PCTP: variants seen among roughly 807,000 people sequenced by gnomAD.
The protein encoded by PCTP is START domain-containing protein 2.
Under a neutral mutation model 31.0 loss-of-function variants are expected in PCTP, and 27 were observed. The ratio of observed to expected loss-of-function variants is 0.87; its 90% CI spans 0.64 to 1.20. The LOEUF (loss-of-function observed/expected upper bound fraction) is 1.20, where lower values mean the gene tolerates loss of function less well. Among genes scored for constraint, PCTP ranks in the 50% most tolerant of loss-of-function variants. The probability of loss-of-function intolerance (pLI) is 0.00; values close to 1 mark genes in which losing one functional copy is unlikely to be tolerated. For synonymous variants in PCTP, 108 were observed against 101.2 expected, an observed-to-expected ratio of 1.07 and a Z score of -0.40; for missense variants, 287 against 268.2, an observed-to-expected ratio of 1.07 and a Z score of -0.49.
At chr17:55,791,208 G>GA (rs2145005348) in intron 3 of PCTP, among the ~76,000 whole-genome samples, 1 of 152,110 alleles carries the variant, frequency 6.6e-6, no homozygotes, top group South Asian at 2.1e-4. Flanking sequence ...AACCCTAGAA[G>GA]AAAACCTAGG....
At chr17:55,769,163 A>G (rs1040222357) in intron 2 of PCTP, 2 of 152,218 alleles carry the variant, frequency 1.3e-5, no homozygotes, top group African/African-American at 2.4e-5. Context: ...CCAGATTTAT[A>G]TTCTAACCAT....
Position 55,777,267 on chromosome 17 carries a change from T to C in PCTP, c.*1167T>C, listed in dbSNP as rs1911384899. 3 of 985,484 alleles carry C rather than the reference T, an allele frequency of 3.0e-6. No individual in the cohort carries two copies. The highest frequency in any genetic ancestry group is 1.7e-5 in the African/African-American group (1 of 57,232). 61.0% of individuals were successfully genotyped at this position (985,484 alleles called of 1,614,324 possible). ...CTTGATTAATAACAGAAATTCAGGA[T>C]GTAAAGCCACAGAATGGGATTTATT... On this transcript the variant is annotated 3_prime_UTR_variant, in exon 6 of 6. Coordinates refer to ENST00000268896, the MANE Select transcript of PCTP (RefSeq NM_021213.4).
At chr17:55,784,823 A>G (rs972664257) in intron 2 of PCTP, among the ~76,000 whole-genome samples, 5 of 152,246 alleles carry the variant, frequency 3.3e-5, no homozygotes, top group South Asian at 2.1e-4. Context: ...ATTCCATATT[A>G]CTTACGATCT....
At chr17:55,783,872 G>T (rs965079270) in intron 2 of PCTP, among the ~76,000 whole-genome samples, 1 of 152,146 alleles carries the variant, frequency 6.6e-6, no homozygotes, top group African/African-American at 2.4e-5. Flanking sequence ...CGAGTCCCTG[G>T]AGAGCGCCTG....
intron 3 of PCTP, among the ~76,000 whole-genome samples, chr17:55,822,240 A>T (rs941389767): frequency 6.6e-6 from 1 of 152,188 alleles, no homozygotes; most frequent in Non-Finnish European, 1.5e-5. Flanking sequence ...TGTGAAGCAG[A>T]TGGATTACAT....
At chr17:55,811,160 A>T (rs1258466268) in intron 3 of PCTP, among the ~76,000 whole-genome samples, 1 of 152,216 alleles carries the variant, frequency 6.6e-6, no homozygotes, top group African/African-American at 2.4e-5. Context: ...CAGTTGTCAT[A>T]TATTTCAAAC....
downstream of PCTP, among the ~76,000 whole-genome samples, chr17:55,826,963 A>G (rs1905417833): frequency 6.6e-6 from 1 of 151,482 alleles, no homozygotes; most frequent in East Asian, 1.9e-4. Context: ...TTTGTTGTTT[A>G]TTATAGCATT....
chr17:55,801,076 G>A (rs1912359836), intron 3 of PCTP, among the ~76,000 whole-genome samples: 1 of 152,136 alleles, frequency 6.6e-6, no homozygotes, highest in Admixed American at 6.5e-5. Context: ...CTGCTGGGAG[G>A]TGTCTCCCAG....
At chr17:55,751,465 A>G (rs1456498331) in intron 1 of PCTP, 3 of 1,531,936 alleles carry the variant, frequency 2.0e-6, no homozygotes, top group Admixed American at 3.9e-5. Flanking sequence ...AGGTCACAGG[A>G]GTTCAGCCTC....
chr17:55,762,449 A>G (rs1910388982), intron 1 of PCTP, among the ~76,000 whole-genome samples: 1 of 151,964 alleles, frequency 6.6e-6, no homozygotes, highest in African/African-American at 2.4e-5. Context: ...CACAAAAGGT[A>G]GGGGATTTCT....
At chr17:55,817,888 G>A (rs970698689) in intron 3 of PCTP, among the ~76,000 whole-genome samples, 2 of 152,172 alleles carry the variant, frequency 1.3e-5, no homozygotes, top group African/African-American at 2.4e-5. Flanking sequence ...CACACTATGA[G>A]CCAGGAACTC....
downstream of PCTP, among the ~76,000 whole-genome samples, chr17:55,823,951 T>C (rs1905312824): frequency 6.6e-6 from 1 of 152,184 alleles, no homozygotes; most frequent in African/African-American, 2.4e-5. Flanking sequence ...GTCTACTGTC[T>C]AGACTTGAGA....
intron 3 of PCTP, among the ~76,000 whole-genome samples, chr17:55,788,638 T>C (rs1309469623): frequency 1.3e-5 from 2 of 152,184 alleles, no homozygotes; most frequent in Non-Finnish European, 2.9e-5. Flanking sequence ...AGAATTTTAC[T>C]GAAAAAAATT....
intron 3 of PCTP, among the ~76,000 whole-genome samples, chr17:55,796,542 C>A (rs1184409905): frequency 6.6e-6 from 1 of 151,970 alleles, no homozygotes; most frequent in Non-Finnish European, 1.5e-5. Context: ...GGGAAAGCGT[C>A]AGCAGACATA....
intron 5 of PCTP, among the ~76,000 whole-genome samples, chr17:55,828,974 G>C (rs1480802714): frequency 6.6e-6 from 1 of 152,116 alleles, no homozygotes; most frequent in Admixed American, 6.5e-5. Context: ...AAACGGAAGA[G>C]ATGCAGAAGG....
intron 3 of PCTP, among the ~76,000 whole-genome samples, chr17:55,773,156 G>T (rs1400601931): frequency 2.6e-5 from 4 of 152,188 alleles, no homozygotes. Flanking sequence ...TATTCATGTA[G>T]TCCCATGTCT....
At chr17:55,840,764 G>A (rs1379273061) in intron 5 of PCTP, among the ~76,000 whole-genome samples, 1 of 152,172 alleles carries the variant, frequency 6.6e-6, no homozygotes, top group Non-Finnish European at 1.5e-5. Context: ...AAGAGTACAA[G>A]GTTCAGAATT....
chr17:55,751,223 C>G lies in PCTP; in HGVS notation c.120C>G (p.Ser40Arg), dbSNP rs1909681222. The G allele has an allele frequency of 3.2e-6, 5 of 1,545,034 alleles. No individual in the cohort carries two copies. The Admixed American group carries it at 8.0e-5, about 25-fold the overall frequency. The change falls in exon 1 of 6, where the codon AGC becomes AGG. Residue 40 changes from serine to arginine, a missense_variant. Transcript: ENST00000268896. The stretch of plus-strand genomic sequence containing the variant: ...TCCTAGTGGAGACCTCGGGCATCAG[C>G]ATCTACCGGCTGCTGGACAAGGTAG... ...WQLLVETSGI[S>R]IYRLLDKKTG...
At position 55,816,105 on chromosome 17, in the gene PCTP, T is replaced by A. The variant is rs562033858; in HGVS notation, c.318-6656T>A. 1.8e-4 allele frequency among the ~76,000 whole-genome samples: 27 copies of A among 152,322 alleles called. No homozygotes were observed. In the South Asian group the frequency reaches 5.6e-3, roughly 32 times the overall value. On this transcript the variant is annotated intron_variant, in intron 3 of 3. Coordinates refer to the PCTP transcript ENST00000572536. ...TTTAACAGCTTTATTGAGATATCATTCACATATCTCACATACGATTCACCC... is the reference window on the plus strand; with the variant it reads ...TTTAACAGCTTTATTGAGATATCATACACATATCTCACATACGATTCACCC...
Sources: allele counts gnomAD v4.1 joint callset (sites outside exome capture counted in the v4.1 genomes callset), GRCh38; gene constraint gnomAD v4.1.1; transcripts MANE v1.5; gene names NCBI Gene and HGNC (gene_info 2026-07-23, HGNC 2026-07-21).